The following RAPGEF1 variants were observed in gnomAD, a reference collection of about 807,000 sequenced individuals.
RAPGEF1 encodes the protein CRK SH3-binding GNRP.
A neutral mutation model predicts 143.3 loss-of-function variants in RAPGEF1; 33 were observed. The ratio of observed to expected loss-of-function variants is 0.23; its 90% CI spans 0.17 to 0.31. The LOEUF (loss-of-function observed/expected upper bound fraction) is 0.31, where lower values mean the gene tolerates loss of function less well. RAPGEF1 is among the 10% of genes least tolerant of loss of function. The pLI, the probability that RAPGEF1 is intolerant of heterozygous loss-of-function variation, is 1.00. For synonymous variants in RAPGEF1, 629 were observed against 676.5 expected, an observed-to-expected ratio of 0.93 and a Z score of 1.09; for missense variants, 1,199 against 1,645.4, an observed-to-expected ratio of 0.73 and a Z score of 4.69.
At chr9:131,601,171 CAAAAA>C (rs11305443) in intron 15 of RAPGEF1, among the ~76,000 whole-genome samples, 849 of 79,516 alleles carry the variant, frequency 0.011, 12 homozygotes, top group African/African-American at 0.04. Context: ...GACTCCGTCT[CAAAAA>C]AAAAAAAAAA....
intron 5 of RAPGEF1, among the ~76,000 whole-genome samples, chr9:131,631,808 C>G (rs1457052923): frequency 6.6e-6 from 1 of 152,220 alleles, no homozygotes; most frequent in Non-Finnish European, 1.5e-5. Context: ...AAAAAAATAT[C>G]AAACAAGAAA....
At chr9:131,691,283 T>C (rs1833763280) in intron 1 of RAPGEF1, among the ~76,000 whole-genome samples, 1 of 152,224 alleles carries the variant, frequency 6.6e-6, no homozygotes, top group African/African-American at 2.4e-5. Flanking sequence ...ATCAAGTCTC[T>C]CTGACCTCAA....
In RAPGEF1 at chr9:131,577,848, T is replaced by A. The variant is rs1231224634; in HGVS notation, c.*1649A>T. On this transcript the variant is annotated 3_prime_UTR_variant, in exon 27 of 27. Coordinates refer to ENST00000683357, the MANE Select transcript of RAPGEF1 (RefSeq NM_001377935.1). ...GGGTCCCGCCTGCCACTGCACGGCT[T>A]TCCTCCCTCTATCTACAGGACAAAC... is the stretch of plus-strand genomic sequence containing the variant. The A allele has an allele frequency of 6.6e-6, 1 of 152,182 alleles. No homozygotes were observed. The highest frequency in any genetic ancestry group is 1.5e-5 in the Non-Finnish European group (1 of 68,036). The allele number at this position is 152,182 out of a possible 1,614,324, so 9.4% of individuals were successfully genotyped here.
At chr9:131,637,621 C>T (rs1190507308) in intron 5 of RAPGEF1, among the ~76,000 whole-genome samples, 1 of 152,034 alleles carries the variant, frequency 6.6e-6, no homozygotes, top group Non-Finnish European at 1.5e-5. Flanking sequence ...AGGAGAGGGA[C>T]ACAGGTTTTT....
At chr9:131,642,529 C>T (rs936192707) in intron 4 of RAPGEF1, among the ~76,000 whole-genome samples, 8 of 152,226 alleles carry the variant, frequency 5.3e-5, no homozygotes, top group African/African-American at 1.7e-4. Flanking sequence ...TCAAAGGCTG[C>T]GCCTCCTGAA....
At chr9:131,639,955 G>C (rs1967389644) in intron 4 of RAPGEF1, among the ~76,000 whole-genome samples, 1 of 152,184 alleles carries the variant, frequency 6.6e-6, no homozygotes, top group Non-Finnish European at 1.5e-5. Context: ...GTTCCACTCT[G>C]CATGTTCCAA....
chr9:131,653,988 C>T (rs1395354929), intron 1 of RAPGEF1, among the ~76,000 whole-genome samples: 2 of 152,130 alleles, frequency 1.3e-5, no homozygotes, highest in African/African-American at 4.8e-5. Flanking sequence ...CACAGTTGAA[C>T]CTTGAAAACA....
rs1219492030 is a variant in RAPGEF1 at position 131,739,966 on chromosome 9, G to A, written c.-136C>T. 2.9e-6 allele frequency: 1 copy of A among 344,066 alleles called. No individual in the cohort carries two copies. The highest frequency in any genetic ancestry group is 4.0e-6 in the Non-Finnish European group (1 of 247,732). The allele number at this position is 344,066 out of a possible 1,614,324, so 21.3% of individuals were successfully genotyped here. On this transcript the variant is annotated 5_prime_UTR_variant, in exon 1 of 27. Coordinates refer to ENST00000683357, the MANE Select transcript of RAPGEF1 (RefSeq NM_001377935.1). The stretch of plus-strand genomic sequence containing the variant: ...CCGCGGCCCTGCGCTCGGCGACCGC[G>A]CTCCAGCCCGCCCGGGCCCAGCCGC...
At chr9:131,727,732 T>G (rs1836770088) in intron 1 of RAPGEF1, among the ~76,000 whole-genome samples, 1 of 152,170 alleles carries the variant, frequency 6.6e-6, no homozygotes. Context: ...CTAGCCCAAT[T>G]CTTACTTGTC....
chr9:131,592,168 C>T lies in RAPGEF1; in HGVS notation c.2705G>A (p.Cys902Tyr), dbSNP rs1192036288. The change falls in exon 18 of 27, where the codon TGC (cysteine) becomes TAC (tyrosine). Residue 902 changes from cysteine (C) to tyrosine (Y), a missense_variant. Physicochemically the swap from Cys to Tyr is radical, Grantham distance 194. This residue lies in a region of RAPGEF1 where 209 missense variants were observed against 403.0 expected (regional missense o/e 0.52). Coordinates refer to ENST00000683357, the MANE Select transcript of RAPGEF1 (RefSeq NM_001377935.1). ...CCTGTAGGTGGTCAGGAATGCCTCG[C>T]AGTACAACACCAAATCTAGAGGGAA... The part of the protein sequence containing the change: ...ETDRKDLVLY[C>Y]EAFLTTYRTF... 6.3e-7 allele frequency: 1 copy of T among 1,595,458 alleles called. No homozygotes were observed. The highest frequency in any genetic ancestry group is 1.7e-5 in the Admixed American group (1 of 57,636).
At chr9:131,620,091 A>G (rs543314417) in intron 11 of RAPGEF1, among the ~76,000 whole-genome samples, 2 of 152,298 alleles carry the variant, frequency 1.3e-5, no homozygotes, top group African/African-American at 2.4e-5. Context: ...TGTTCCTAAC[A>G]GGCCTCCGGG....
chr9:131,714,955 C>T (rs1284026844), intron 1 of RAPGEF1, among the ~76,000 whole-genome samples: 1 of 152,106 alleles, frequency 6.6e-6, no homozygotes, highest in African/African-American at 2.4e-5. Flanking sequence ...AGGTGATCCT[C>T]GAGCCTCAGC....
intron 17 of RAPGEF1, among the ~76,000 whole-genome samples, chr9:131,595,257 G>A (rs2132341810): frequency 6.6e-6 from 1 of 152,394 alleles, no homozygotes; most frequent in East Asian, 1.9e-4. Flanking sequence ...CAAACAAAGG[G>A]TGAGGGAACA....
At chr9:131,687,249 G>A (rs934282914) in intron 1 of RAPGEF1, among the ~76,000 whole-genome samples, 7 of 152,016 alleles carry the variant, frequency 4.6e-5, no homozygotes, top group Non-Finnish European at 5.9e-5. Flanking sequence ...TGAATGCAGC[G>A]GCACGATCTC....
At chr9:131,639,437 AGTGTGT>A (rs3837234) in intron 4 of RAPGEF1, among the ~76,000 whole-genome samples, 25,034 of 149,084 alleles carry the variant, frequency 0.17, 2,384 homozygotes, top group South Asian at 0.25. Context: ...AACGCAGGTG[AGTGTGT>A]GTGTGTGTGT....
chr9:131,728,294 T>A (rs762659659), intron 1 of RAPGEF1, among the ~76,000 whole-genome samples: 4 of 152,324 alleles, frequency 2.6e-5, no homozygotes, highest in Admixed American at 6.5e-5. Context: ...TTTTTAACTG[T>A]CACAAATGCA....
At chr9:131,682,852 C>T (rs779798156) in intron 1 of RAPGEF1, among the ~76,000 whole-genome samples, 7 of 152,206 alleles carry the variant, frequency 4.6e-5, no homozygotes, top group African/African-American at 7.2e-5. Flanking sequence ...CATTTCTCTA[C>T]AGCACTGGCC....
At chr9:131,656,676 C>A (rs555430048) in intron 1 of RAPGEF1, among the ~76,000 whole-genome samples, 10 of 152,304 alleles carry the variant, frequency 6.6e-5, no homozygotes, top group Non-Finnish European at 1.3e-4. Context: ...CACAACTGCG[C>A]CGTCATGACC....
intron 12 of RAPGEF1, among the ~76,000 whole-genome samples, chr9:131,612,667 C>CTGCATGTA (rs1430893728): frequency 2.0e-5 from 3 of 152,184 alleles, no homozygotes; most frequent in Non-Finnish European, 4.4e-5. Context: ...GGGCTCTGGT[C>CTGCATGTA]TGCATGTACC....
Sources: gnomAD v4.1 joint callset for allele counts (sites outside exome capture counted in the v4.1 genomes callset) on GRCh38, gnomAD v4.1.1 for gene constraint, gnomAD v4.1.1 regional missense constraint, MANE v1.5 for transcripts, NCBI Gene and HGNC (gene_info 2026-07-23, HGNC 2026-07-21) for gene names.